Variants in SULF1 observed in about 807,000 individuals in gnomAD.
The protein encoded by SULF1 is extracellular sulfatase Sulf-1.
Under a neutral mutation model 110.5 loss-of-function variants are expected in SULF1, and 46 were observed. The ratio of observed to expected loss-of-function variants is 0.42; its 90% CI spans 0.33 to 0.53. The LOEUF is 0.53. Ranked by LOEUF, SULF1 falls within the 20% of genes least tolerant of loss-of-function variation. The pLI is 0.12. For missense variants in SULF1, 941 were observed against 1,094.2 expected, an observed-to-expected ratio of 0.86 and a Z score of 1.98; for synonymous variants, 371 against 387.1, an observed-to-expected ratio of 0.96 and a Z score of 0.49.
intron 2 of SULF1, among the ~76,000 whole-genome samples, 181 bp downstream of exon 2, chr8:69,496,107 CT>C (rs572862857): frequency 1.2e-3 from 185 of 152,372 alleles, no homozygotes; most frequent in Middle Eastern, 3.4e-3. Context: ...AGCACTTAAT[CT>C]TCTAGGCAAA....
At chr8:69,483,445 T>G (rs1809585136) in intron 1 of SULF1, among the ~76,000 whole-genome samples, 1 of 152,182 alleles carries the variant, frequency 6.6e-6, no homozygotes, top group African/African-American at 2.4e-5. Flanking sequence ...ATACCATTAA[T>G]GTTCACAGCT....
intron 5 of SULF1, among the ~76,000 whole-genome samples, chr8:69,568,401 C>A (rs980958433): frequency 6.6e-6 from 1 of 152,222 alleles, no homozygotes; most frequent in Non-Finnish European, 1.5e-5. Flanking sequence ...CCCTTCCCTT[C>A]ACTTTCAGGA....
chr8:69,467,406 G>C (rs1273698456), intron 1 of SULF1, among the ~76,000 whole-genome samples: 1 of 152,232 alleles, frequency 6.6e-6, no homozygotes, highest in African/African-American at 2.4e-5. Context: ...TTTGTGCAAG[G>C]TAGATTATGT....
chr8:69,470,526 G>A (rs1245926859), intron 1 of SULF1, among the ~76,000 whole-genome samples: 1 of 151,776 alleles, frequency 6.6e-6, no homozygotes, highest in African/African-American at 2.4e-5. Flanking sequence ...ATCAAATTCT[G>A]TGAGTCCTTC....
chr8:69,467,240 T>G, intron 1 of SULF1, among the ~76,000 whole-genome samples: 1 of 152,240 alleles, frequency 6.6e-6, no homozygotes, highest in East Asian at 1.9e-4. Flanking sequence ...TATAACTTGC[T>G]TGTAGAGGAT....
chr8:69,587,509 A>G (rs949517969), intron 7 of SULF1, among the ~76,000 whole-genome samples: 5 of 152,220 alleles, frequency 3.3e-5, no homozygotes, highest in African/African-American at 1.2e-4. Context: ...AAACATTGCT[A>G]ATAGGCTTCC....
At chr8:69,575,530 C>T (rs749109949) in intron 5 of SULF1, among the ~76,000 whole-genome samples, 24 of 151,158 alleles carry the variant, frequency 1.6e-4, no homozygotes, top group African/African-American at 5.1e-4. Context: ...TTCTTTCATA[C>T]GATTAAAATG....
At chr8:69,576,550 A>G (rs1353233629) in intron 6 of SULF1, among the ~76,000 whole-genome samples, 2 of 152,194 alleles carry the variant, frequency 1.3e-5, no homozygotes, top group African/African-American at 4.8e-5. Context: ...AAAGGAAGTC[A>G]TCCTAATTGC....
intron 3 of SULF1, among the ~76,000 whole-genome samples, chr8:69,540,430 T>C (rs1813782350): frequency 6.6e-6 from 1 of 152,214 alleles, no homozygotes; most frequent in African/African-American, 2.4e-5. Flanking sequence ...GCTATTATAT[T>C]TTATGGACGA....
chr8:69,495,679 C>G (rs1810299287), intron 1 of SULF1, 86 bp from the exon 2 acceptor site: 1 of 152,192 alleles, frequency 6.6e-6, no homozygotes, highest in Non-Finnish European at 1.5e-5. Context: ...GACTAAAGAT[C>G]TATGAGCTAG....
intron 8 of SULF1, among the ~76,000 whole-genome samples, chr8:69,598,974 T>C (rs1325272283): frequency 1.3e-5 from 2 of 152,116 alleles, no homozygotes; most frequent in African/African-American, 2.4e-5. Context: ...TTTTCTACTA[T>C]CAAAAGAGAG....
intron 2 of SULF1, among the ~76,000 whole-genome samples, chr8:69,496,596 G>T (rs989582078): frequency 6.6e-6 from 1 of 152,220 alleles, no homozygotes; most frequent in African/African-American, 2.4e-5. Context: ...GAAGGAACAA[G>T]ATATATTTGG....
chr8:69,512,274 A>G (rs1019323623), intron 3 of SULF1, among the ~76,000 whole-genome samples: 3 of 152,150 alleles, frequency 2.0e-5, no homozygotes, highest in Admixed American at 6.5e-5. Flanking sequence ...GAGAGTAGAA[A>G]AAGTGCCTCT....
At chr8:69,620,431 C>T (rs1477033368) in intron 13 of SULF1, among the ~76,000 whole-genome samples, 1 of 152,162 alleles carries the variant, frequency 6.6e-6, no homozygotes, top group Non-Finnish European at 1.5e-5. Context: ...TTCTTCTACC[C>T]AGGGTTTCCC....
rs570750516 is a variant in SULF1, at chr8:69,589,399, G to C, written c.734+258G>C. ...AAATAGAAAGGAAGAGATGCACATA[G>C]AGTGAATGGGGGCAAGTTTTACAAG... On this transcript the variant is annotated intron_variant, in intron 8 of 22. Transcript: ENST00000402687. Among the ~76,000 whole-genome samples the C allele has an allele frequency of 1.2e-3, 177 of 152,326 alleles. No homozygotes were observed. In the South Asian group the frequency reaches 0.013, roughly 11 times the overall value.
chr8:69,577,920 C>T lies in SULF1; in HGVS notation c.412+1711C>T, dbSNP rs562208372. Among the ~76,000 whole-genome samples, 191 of 152,276 alleles carry T rather than the reference C, an allele frequency of 1.3e-3. 1 individual carries two copies. The highest frequency in any genetic ancestry group is 2.1e-3 in the Non-Finnish European group (143 of 68,016). On this transcript the variant is annotated intron_variant, in intron 6 of 22. Coordinates refer to ENST00000402687, the MANE Select transcript of SULF1 (RefSeq NM_001128205.2). ...GATTCTCTTCTGCCTCATTCCAAAA[C>T]GCCTTCCAGAGATACAGACTTTAGA... is the stretch of plus-strand genomic sequence containing the variant.
In SULF1 at chr8:69,504,783, G is replaced by A. The variant is rs116649256; in HGVS notation, c.-134+2815G>A. On this transcript the variant is annotated intron_variant, in intron 3 of 22. Coordinates refer to ENST00000402687, the MANE Select transcript of SULF1 (RefSeq NM_001128205.2). Reference sequence around the variant, plus strand: ...CCAGGATTTGAGCTGAATTAGATAAGCAGACGAGTCACTTCCCACCACTAC... The same window carrying A: ...CCAGGATTTGAGCTGAATTAGATAAACAGACGAGTCACTTCCCACCACTAC... 1.2e-3 allele frequency among the ~76,000 whole-genome samples: 181 copies of A among 152,164 alleles called. 1 individual carries two copies. The highest frequency in any genetic ancestry group is 4.0e-3 in the African/African-American group (165 of 41,514).
At chr8:69,638,212 G>T in intron 19 of SULF1, 2 of 303,756 alleles carry the variant, frequency 6.6e-6, no homozygotes, top group Non-Finnish European at 1.2e-5. Context: ...CCCCTCTTTG[G>T]AAACCACTGC....
At chr8:69,590,643 C>G (rs915791161) in intron 8 of SULF1, among the ~76,000 whole-genome samples, 2 of 152,154 alleles carry the variant, frequency 1.3e-5, no homozygotes, top group Admixed American at 6.5e-5. Context: ...TGAGCATGCC[C>G]AGGAACTCAG....
Sources: allele counts gnomAD v4.1 joint callset (sites outside exome capture counted in the v4.1 genomes callset), GRCh38; gene constraint gnomAD v4.1.1; transcripts MANE v1.5; gene names NCBI Gene and HGNC (gene_info 2026-07-23, HGNC 2026-07-21).